SAXO1: variants seen among roughly 807,000 people sequenced by gnomAD.
The protein encoded by SAXO1 is stabilizer of axonemal microtubules 1.
In SAXO1, 21 loss-of-function variants were observed where a neutral mutation model predicts 17.5. The observed-to-expected ratio is 1.20, with a 90% CI of 0.85 to 1.72. SAXO1 has a LOEUF of 1.72. Among genes scored for constraint, SAXO1 ranks in the 40% most tolerant of loss-of-function variants. SAXO1 has a pLI of 0.00. For missense variants in SAXO1, 843 were observed against 596.0 expected, an observed-to-expected ratio of 1.41 and a Z score of -4.32; for synonymous variants, 274 against 216.5, an observed-to-expected ratio of 1.27 and a Z score of -2.33.
At chr9:18,981,499 C>T (rs556372771) in intron 1 of SAXO1, among the ~76,000 whole-genome samples, 17 of 152,198 alleles carry the variant, frequency 1.1e-4, no homozygotes, top group Non-Finnish European at 1.8e-4. Flanking sequence ...CAGGCTAAAG[C>T]CCCTCACACA....
intron 1 of SAXO1, among the ~76,000 whole-genome samples, chr9:18,993,640 AGAACAG>A (rs1833898245): frequency 1.3e-5 from 2 of 152,204 alleles, no homozygotes; most frequent in Non-Finnish European, 2.9e-5. Context: ...GCTTCAAGAG[AGAACAG>A]GCTCTGCTGT....
intron 1 of SAXO1, among the ~76,000 whole-genome samples, chr9:19,026,509 C>T (rs1385923483): frequency 6.6e-6 from 1 of 152,118 alleles, no homozygotes; most frequent in Non-Finnish European, 1.5e-5. Context: ...CCCTGCCTTG[C>T]GCCACCCACT....
rs1830827062 is a variant in SAXO1 at position 18,927,765 on chromosome 9, A to T, written c.*287T>A. 4 of 344,578 alleles carry T rather than the reference A, an allele frequency of 1.2e-5. No individual in the cohort carries two copies. Among genetic ancestry groups the T allele is most frequent in the Non-Finnish European group, 2.1e-5 (4 of 190,992 alleles). The allele number at this position is 344,578 out of a possible 1,614,324, so 21.3% of individuals were successfully genotyped here. A position where few individuals can be genotyped will look rare whatever the true frequency, so the allele number is the denominator to read the frequency against. Reference sequence around the variant, plus strand: ...AATTAATAAAATACATCTGGATCAGAGAAACCCTCACAGACCAACTTTGAT... The same window carrying T: ...AATTAATAAAATACATCTGGATCAGTGAAACCCTCACAGACCAACTTTGAT... On this transcript the variant is annotated 3_prime_UTR_variant, in exon 4 of 4. Coordinates refer to ENST00000380534, the MANE Select transcript of SAXO1 (RefSeq NM_153707.4).
chr9:18,973,070 G>A (rs1833010603), intron 1 of SAXO1, among the ~76,000 whole-genome samples: 1 of 152,204 alleles, frequency 6.6e-6, no homozygotes, highest in African/African-American at 2.4e-5. Flanking sequence ...AAGATGTGGA[G>A]TCAGAACACT....
In SAXO1 at chr9:19,029,526, A is replaced by G. The variant is rs149015346; in HGVS notation, c.38+3345T>C. Among the ~76,000 whole-genome samples the G allele has an allele frequency of 2.6e-4, 40 of 152,284 alleles. 1 individual carries two copies. In the East Asian group the frequency reaches 7.3e-3, roughly 28 times the overall value. On this transcript the variant is annotated intron_variant, in intron 1 of 3. Transcript: ENST00000380534. The stretch of plus-strand genomic sequence containing the variant: ...GACTTCCACAGCTTAGAAAACACCT[A>G]TAAAATTCCTCGCTCCATCCCAACC...
intron 1 of SAXO1, among the ~76,000 whole-genome samples, chr9:18,963,114 T>G (rs973574860): frequency 6.6e-6 from 1 of 152,206 alleles, no homozygotes. Context: ...GTTGTAGATA[T>G]GTGGTGTTAT....
At chr9:19,018,478 G>T (rs886460518) in intron 1 of SAXO1, among the ~76,000 whole-genome samples, 5 of 152,122 alleles carry the variant, frequency 3.3e-5, no homozygotes, top group African/African-American at 1.2e-4. Flanking sequence ...GAGAAACATG[G>T]GTCATTCCAG....
At chr9:19,021,394 C>T (rs772944233) in intron 1 of SAXO1, among the ~76,000 whole-genome samples, 1 of 152,164 alleles carries the variant, frequency 6.6e-6, no homozygotes, top group Non-Finnish European at 1.5e-5. Flanking sequence ...TTTTGATGAA[C>T]TCAGGAAAAC....
At chr9:19,041,101 G>C (rs1012927032) in intron 1 of SAXO1, among the ~76,000 whole-genome samples, 13 of 147,830 alleles carry the variant, frequency 8.8e-5, no homozygotes, top group Non-Finnish European at 1.8e-4. Context: ...TAACATTGCA[G>C]GATACAAAAC....
chr9:19,039,903 A>G (rs1836035598), intron 1 of SAXO1, among the ~76,000 whole-genome samples: 1 of 151,922 alleles, frequency 6.6e-6, no homozygotes, highest in Non-Finnish European at 1.5e-5. Context: ...TAATTTTTGT[A>G]TTTTTAGTAG....
chr9:18,935,266 G>T (rs766656208), intron 3 of SAXO1, among the ~76,000 whole-genome samples: 8 of 152,188 alleles, frequency 5.3e-5, no homozygotes, highest in Middle Eastern at 3.2e-3. Context: ...TGATTGGTCA[G>T]AAGTTAAACT....
intron 1 of SAXO1, among the ~76,000 whole-genome samples, chr9:18,977,729 C>T (rs1833205809): frequency 6.6e-6 from 1 of 152,054 alleles, no homozygotes; most frequent in Non-Finnish European, 1.5e-5. Flanking sequence ...CGTGGTGGCT[C>T]ACGGCTGTAA....
chr9:18,997,877 G>A (rs1204101593), intron 1 of SAXO1, among the ~76,000 whole-genome samples: 2 of 152,218 alleles, frequency 1.3e-5, no homozygotes, highest in East Asian at 1.9e-4. Context: ...CAGCTGAGGG[G>A]CCTGTCTGTT....
intron 1 of SAXO1, among the ~76,000 whole-genome samples, chr9:19,040,111 T>G (rs984261623): frequency 6.6e-6 from 1 of 152,212 alleles, no homozygotes; most frequent in African/African-American, 2.4e-5. Context: ...TTAAAAAAAC[T>G]GTAGGTGCTT....
At chr9:18,975,956 G>A (rs942661351) in intron 1 of SAXO1, among the ~76,000 whole-genome samples, 2 of 152,158 alleles carry the variant, frequency 1.3e-5, no homozygotes, top group African/African-American at 2.4e-5. Context: ...AGTAACTACA[G>A]CAGTACTTTA....
At chr9:19,044,828 A>G (rs984120955) in intron 1 of SAXO1, among the ~76,000 whole-genome samples, 6 of 151,718 alleles carry the variant, frequency 4.0e-5, no homozygotes, top group Non-Finnish European at 7.4e-5. Context: ...GCGCCACTGC[A>G]CTCCAGCCCG....
At chr9:19,037,448 G>A (rs1835968758), upstream of SAXO1, among the ~76,000 whole-genome samples, 1 of 152,180 alleles carries the variant, frequency 6.6e-6, no homozygotes, top group Non-Finnish European at 1.5e-5. Flanking sequence ...CCCAGTGGGA[G>A]ATAATTTGAA....
chr9:18,931,782 T>C (rs913547709), intron 3 of SAXO1, among the ~76,000 whole-genome samples: 4 of 152,222 alleles, frequency 2.6e-5, no homozygotes, highest in African/African-American at 9.6e-5. Context: ...TGATGTTGAG[T>C]ATCTCTGCAT....
At chr9:18,951,664 C>G (rs773436203) in intron 1 of SAXO1, among the ~76,000 whole-genome samples, 4 of 152,200 alleles carry the variant, frequency 2.6e-5, no homozygotes, top group Non-Finnish European at 5.9e-5. Context: ...TCCCATCACC[C>G]TGTGTATGCC....
Sources: gnomAD v4.1 joint callset for allele counts (sites outside exome capture counted in the v4.1 genomes callset) on GRCh38, gnomAD v4.1.1 for gene constraint, MANE v1.5 for transcripts, NCBI Gene and HGNC (gene_info 2026-07-23, HGNC 2026-07-21) for gene names.